DAB2IP: variants seen among roughly 807,000 people sequenced by gnomAD.
The protein encoded by DAB2IP is disabled homolog 2-interacting protein.
Under a neutral mutation model 107.2 loss-of-function variants are expected in DAB2IP, and 28 were observed. That is an observed-to-expected ratio of 0.26 (90% CI 0.19 to 0.36). The LOEUF is 0.36. Ranked by LOEUF, DAB2IP falls within the 10% of genes least tolerant of loss-of-function variation. DAB2IP has a pLI of 1.00. For synonymous variants in DAB2IP, 755 were observed against 706.4 expected (o/e 1.07, Z -1.09); for missense variants, 1,400 against 1,644.7 (o/e 0.85, Z 2.57).
intron 1 of DAB2IP, among the ~76,000 whole-genome samples, chr9:121,638,471 G>A (rs1252073980): frequency 6.6e-6 from 1 of 152,196 alleles, no homozygotes; most frequent in Non-Finnish European, 1.5e-5. Context: ...TGGAGGAAAG[G>A]CGCAGGGAGC....
intron 1 of DAB2IP, among the ~76,000 whole-genome samples, chr9:121,582,615 G>A (rs1019974988): frequency 6.6e-5 from 10 of 151,902 alleles, no homozygotes; most frequent in African/African-American, 1.9e-4. Flanking sequence ...GGCACCCTGG[G>A]CAGCTTACCT....
chr9:121,715,151 T>G (rs1322918539), intron 3 of DAB2IP, among the ~76,000 whole-genome samples: 1 of 152,014 alleles, frequency 6.6e-6, no homozygotes, highest in East Asian at 1.9e-4. Flanking sequence ...GGTGTCTCTT[T>G]AGCTAGGGTT....
chr9:121,610,083 A>T (rs964737935), intron 1 of DAB2IP, among the ~76,000 whole-genome samples: 1 of 152,096 alleles, frequency 6.6e-6, no homozygotes, highest in Non-Finnish European at 1.5e-5. Flanking sequence ...TGTGTGTATA[A>T]GAAAAACAAA....
At chr9:121,720,213 A>G (rs997055320) in intron 3 of DAB2IP, among the ~76,000 whole-genome samples, 1 of 152,076 alleles carries the variant, frequency 6.6e-6, no homozygotes, top group Non-Finnish European at 1.5e-5. Context: ...ACTTCCTTGC[A>G]GTTCTCAGGG....
At chr9:121,619,596 CTGAAAGAGGAGATGT>C (rs1354269966) in intron 1 of DAB2IP, among the ~76,000 whole-genome samples, 1 of 152,192 alleles carries the variant, frequency 6.6e-6, no homozygotes, top group Non-Finnish European at 1.5e-5. Context: ...TGTCACACTT[CTGAAAGAGGAGATGT>C]TGGAAAAGGA....
chr9:121,627,298 G>T (rs893010145), intron 1 of DAB2IP, among the ~76,000 whole-genome samples: 1 of 151,884 alleles, frequency 6.6e-6, no homozygotes, highest in Admixed American at 6.6e-5. Flanking sequence ...CGGTCACACA[G>T]GATTCCATTT....
Position 121,782,186 on chromosome 9 carries a change from A to AC in DAB2IP, c.3403-143dup, listed in dbSNP as rs1835711624. On this transcript the variant is annotated intron_variant, in intron 15 of 15. Coordinates refer to ENST00000408936, the Ensembl canonical transcript of DAB2IP. The surrounding 1 kb of genome is among the most constrained non-coding windows in gnomAD (Gnocchi z 6.1). ...CATGATGCTGCAGAGGCCTCTGCCT[A>AC]CCTTCTCTTGCCAGCTGCTCACAGC... The AC allele has an allele frequency of 1.5e-6, 2 of 1,351,524 alleles. No individual in the cohort carries two copies. Among genetic ancestry groups the AC allele is most frequent in the African/African-American group, 2.9e-5 (2 of 67,948 alleles). 83.7% of individuals were successfully genotyped at this position (1,351,524 alleles called of 1,614,324 possible).
intron 3 of DAB2IP, among the ~76,000 whole-genome samples, chr9:121,714,613 T>A (rs1241902781): frequency 6.6e-6 from 1 of 152,190 alleles, no homozygotes; most frequent in Non-Finnish European, 1.5e-5. Context: ...GAGGATACTC[T>A]TCAGTTAGAG....
intron 3 of DAB2IP, among the ~76,000 whole-genome samples, chr9:121,741,347 G>A (rs1354962773): frequency 6.6e-6 from 1 of 152,186 alleles, no homozygotes. Context: ...ATGACCACAC[G>A]TGAGCATGGA....
chr9:121,703,887 C>T (rs914634286), intron 3 of DAB2IP, among the ~76,000 whole-genome samples: 3 of 152,042 alleles, frequency 2.0e-5, no homozygotes, highest in Non-Finnish European at 4.4e-5. Flanking sequence ...TAAGGTGATT[C>T]GAGCTTAAGA....
In DAB2IP at chr9:121,728,335, T is replaced by G. The variant is rs553431703; in HGVS notation, c.363-28678T>G. On this transcript the variant is annotated intron_variant, in intron 3 of 15. Transcript: ENST00000408936. ...CCTGTGGGCTCATCAGTTAGAGAGG[T>G]CTGTGGGAACTGCAGTTTCAGGCCA... 2.0e-5 allele frequency among the ~76,000 whole-genome samples: 3 copies of G among 152,064 alleles called. No individual in the cohort carries two copies. The East Asian group carries it at 5.8e-4, about 30-fold the overall frequency.
In DAB2IP at chr9:121,713,926, G is replaced by A. The variant is rs1359004509; in HGVS notation, c.362+14468G>A. 2.6e-5 allele frequency among the ~76,000 whole-genome samples: 4 copies of A among 152,182 alleles called. No individual in the cohort carries two copies. The South Asian group carries it at 6.2e-4, about 24-fold the overall frequency. On this transcript the variant is annotated intron_variant, in intron 3 of 15. Transcript: ENST00000408936. ...ACATGGACCCAGATCCAGATCCGAC[G>A]CCCTGACTTCCTCCATGATCTGGGA... is the stretch of plus-strand genomic sequence containing the variant.
intron 7 of DAB2IP, 24 bp from the exon 8 acceptor site, chr9:121,763,711 C>G: frequency 6.2e-7 from 1 of 1,612,876 alleles, no homozygotes; most frequent in Non-Finnish European, 8.5e-7. Context: ...CCTCACTCCC[C>G]ACTCCCTGCC....
intron 11 of DAB2IP, among the ~76,000 whole-genome samples, chr9:121,771,552 C>G (rs942651561): frequency 6.6e-6 from 1 of 152,050 alleles, no homozygotes. Context: ...TGGGTCTGTT[C>G]AGTGAGTGTG....
chr9:121,573,226 G>A (rs1197078860), intron 1 of DAB2IP, among the ~76,000 whole-genome samples: 6 of 151,484 alleles, frequency 4.0e-5, no homozygotes, highest in East Asian at 3.9e-4. Flanking sequence ...ACAGGCATGC[G>A]TCACCAAGCC....
intron 3 of DAB2IP, chr9:121,737,645 G>A: frequency 1.0e-6 from 1 of 985,446 alleles, no homozygotes; most frequent in African/African-American, 1.7e-5. Context: ...GCCAGATCTG[G>A]CTCCAGAGCC....
intron 9 of DAB2IP, among the ~76,000 whole-genome samples, chr9:121,767,286 C>T (rs968615096): frequency 2.6e-5 from 4 of 152,336 alleles, no homozygotes; most frequent in East Asian, 3.9e-4. Flanking sequence ...AGATTGAGCC[C>T]CATCCTGGGG....
At chr9:121,628,716 T>A (rs1401690728) in intron 1 of DAB2IP, among the ~76,000 whole-genome samples, 1 of 152,156 alleles carries the variant, frequency 6.6e-6, no homozygotes, top group Non-Finnish European at 1.5e-5. Context: ...GCAGAGGGCC[T>A]GGCAAACCTT....
intron 3 of DAB2IP, among the ~76,000 whole-genome samples, chr9:121,741,326 G>C (rs1280942977): frequency 1.3e-5 from 2 of 152,126 alleles, no homozygotes; most frequent in East Asian, 3.9e-4. Flanking sequence ...AGCTCAGCCG[G>C]ATCACATGCC....
Sources: gnomAD v4.1 joint callset for allele counts (sites outside exome capture counted in the v4.1 genomes callset) on GRCh38, gnomAD v4.1.1 for gene constraint, Gnocchi (gnomAD v3.1) non-coding constraint, MANE v1.5 for transcripts, NCBI Gene and HGNC (gene_info 2026-07-23, HGNC 2026-07-21) for gene names.